The following CXCL13 variants were observed in gnomAD, a reference collection of about 807,000 sequenced individuals.
CXCL13 encodes the protein C-X-C motif chemokine ligand 13, also known as C-X-C motif chemokine 13.
A neutral mutation model predicts 12.2 loss-of-function variants in CXCL13; 7 were observed. The observed-to-expected ratio is 0.57, with a 90% confidence interval of 0.33 to 1.07. The LOEUF (loss-of-function observed/expected upper bound fraction) is 1.07, where lower values mean the gene tolerates loss of function less well. CXCL13 is among the 50% of genes least tolerant of loss of function. The pLI is 0.04. For synonymous variants in CXCL13, 47 were observed against 42.4 expected (o/e 1.11, Z -0.42); for missense variants, 113 against 127.4 (o/e 0.89, Z 0.55).
intron 2 of CXCL13, among the ~76,000 whole-genome samples, chr4:77,608,156 A>G (rs923281216): frequency 2.0e-5 from 3 of 152,154 alleles, no homozygotes; most frequent in Admixed American, 6.5e-5. Context: ...AAAGTGCATT[A>G]GTGGCCAGGC....
chr4:77,533,072 C>G (rs558012911), intron 1 of CXCL13, among the ~76,000 whole-genome samples: 153 of 152,302 alleles, frequency 1.0e-3, no homozygotes, highest in Non-Finnish European at 1.3e-3. Context: ...TGCTCCATTT[C>G]TGGTGAGGAG....
At chr4:77,583,597 G>T (rs1726387334) in intron 1 of CXCL13, among the ~76,000 whole-genome samples, 1 of 152,116 alleles carries the variant, frequency 6.6e-6, no homozygotes, top group African/African-American at 2.4e-5. Flanking sequence ...TGCACCTCAG[G>T]GTACTGAGTT....
intron 1 of CXCL13, among the ~76,000 whole-genome samples, chr4:77,592,325 G>A (rs1253442032): frequency 1.3e-5 from 2 of 152,098 alleles, no homozygotes; most frequent in African/African-American, 2.4e-5. Flanking sequence ...AAATAAGCCA[G>A]GCATAGAAAG....
rs541138817 is a variant in CXCL13, at chr4:77,551,556, AC to A, written c.-43+39770del. The stretch of plus-strand genomic sequence containing the variant: ...CCTTTAAGTCTTTTCTTTAGTATTG[AC>A]CTTGGACAGTCTGGTGACTACATGC... On this transcript the variant is annotated intron_variant, in intron 1 of 4. Transcript: ENST00000286758. Among the ~76,000 whole-genome samples, 656 of 152,180 alleles carry A rather than the reference AC, an allele frequency of 4.3e-3. 2 individuals are homozygous for A. Among genetic ancestry groups the A allele is most frequent in the Non-Finnish European group, 4.7e-3 (317 of 68,004 alleles).
chr4:77,564,888 A>T (rs997144559), intron 1 of CXCL13, among the ~76,000 whole-genome samples: 1 of 152,110 alleles, frequency 6.6e-6, no homozygotes, highest in African/African-American at 2.4e-5. Flanking sequence ...AAAGTTCCCC[A>T]TTTCTTCAGG....
chr4:77,550,879 C>T (rs941488152), intron 1 of CXCL13, among the ~76,000 whole-genome samples: 4 of 152,042 alleles, frequency 2.6e-5, no homozygotes, highest in Non-Finnish European at 4.4e-5. Context: ...CTTCTTTGTC[C>T]TTTTTTACTG....
chr4:77,584,836 GT>G (rs199579776), intron 1 of CXCL13, among the ~76,000 whole-genome samples: 1,905 of 152,264 alleles, frequency 0.013, 44 homozygotes, highest in African/African-American at 0.042. Flanking sequence ...TCTCCTCTAG[GT>G]TTTTTTCACT....
chr4:77,605,780 A>C (rs764947264), upstream of CXCL13: 1 of 722,752 alleles, frequency 1.4e-6, no homozygotes, highest in Non-Finnish European at 2.3e-6. Flanking sequence ...GAGGGCCCTT[A>C]CTGGTATAAA....
chr4:77,533,068 A>G (rs1724971138), intron 1 of CXCL13, among the ~76,000 whole-genome samples: 1 of 152,102 alleles, frequency 6.6e-6, no homozygotes, highest in Non-Finnish European at 1.5e-5. Flanking sequence ...GCTTTGCTCC[A>G]TTTCTGGTGA....
intron 1 of CXCL13, among the ~76,000 whole-genome samples, chr4:77,530,507 G>C (rs13102680): frequency 1.3e-5 from 2 of 152,022 alleles, no homozygotes; most frequent in East Asian, 1.9e-4. Context: ...GTCTTGTGAG[G>C]GTGTATGTGT....
intron 1 of CXCL13, among the ~76,000 whole-genome samples, chr4:77,529,194 G>T (rs1724844783): frequency 6.6e-6 from 1 of 152,180 alleles, no homozygotes. Context: ...TTGTAGCATA[G>T]TTTGAGGTCA....
chr4:77,543,489 T>A (rs1326875513), intron 1 of CXCL13, among the ~76,000 whole-genome samples: 3 of 152,244 alleles, frequency 2.0e-5, no homozygotes, highest in South Asian at 2.1e-4. Context: ...ACATAGGCAT[T>A]TAGCACTATT....
In CXCL13 at chr4:77,591,989, G is replaced by A. The variant is rs77630253; in HGVS notation, c.-42-13835G>A. Among the ~76,000 whole-genome samples, 1,174 of 152,320 alleles carry A rather than the reference G, an allele frequency of 7.7e-3. 8 individuals are homozygous for A. Among genetic ancestry groups the A allele is most frequent in the Middle Eastern group, 0.034 (10 of 294 alleles). ...CTGTCTACAGAGTTCTAGGTTGTCA[G>A]TGACAAAGAAGCAACACCAAAAACA... On this transcript the variant is annotated intron_variant, in intron 1 of 4. Coordinates refer to the CXCL13 transcript ENST00000286758.
Position 77,542,084 on chromosome 4 carries a change from A to G in CXCL13, c.-43+30296A>G, listed in dbSNP as rs1318567391. On this transcript the variant is annotated intron_variant, in intron 1 of 4. Transcript: ENST00000286758. The stretch of plus-strand genomic sequence containing the variant: ...TGTATCCTGAGATTTTACTGAGGTC[A>G]TTTATCAGCTCCAGGAGCCTTTTGA... Among the ~76,000 whole-genome samples the G allele has an allele frequency of 2.0e-5, 3 of 152,168 alleles. No individual in the cohort carries two copies. In the East Asian group the frequency reaches 5.8e-4, roughly 29 times the overall value.
intron 1 of CXCL13, among the ~76,000 whole-genome samples, chr4:77,548,308 G>A (rs932267604): frequency 6.6e-6 from 1 of 152,156 alleles, no homozygotes; most frequent in Admixed American, 6.6e-5. Flanking sequence ...CATTCAGCAA[G>A]GTCTTTACAA....
intron 1 of CXCL13, among the ~76,000 whole-genome samples, chr4:77,581,018 C>A (rs1441186009): frequency 1.3e-5 from 2 of 151,952 alleles, no homozygotes. Flanking sequence ...ACATTTTACA[C>A]AATTTCATTC....
chr4:77,599,729 T>G (rs919262338), intron 1 of CXCL13, among the ~76,000 whole-genome samples: 2 of 152,134 alleles, frequency 1.3e-5, no homozygotes, highest in African/African-American at 4.8e-5. Context: ...CAGGGGATAG[T>G]GGGAAGCCTT....
intron 1 of CXCL13, among the ~76,000 whole-genome samples, chr4:77,559,590 C>CGTGTGTGTGTGT (rs376338194): frequency 1.3e-5 from 2 of 148,630 alleles, no homozygotes; most frequent in Non-Finnish European, 1.5e-5. Flanking sequence ...CTAAATATGC[C>CGTGTGTGTGTGT]GTGTGTGTGT....
At chr4:77,562,093 G>A (rs1725828689) in intron 1 of CXCL13, among the ~76,000 whole-genome samples, 1 of 152,118 alleles carries the variant, frequency 6.6e-6, no homozygotes, top group African/African-American at 2.4e-5. Context: ...CGGGGCCTCA[G>A]CTGCCTCCCT....
Sources: allele counts gnomAD v4.1 joint callset (sites outside exome capture counted in the v4.1 genomes callset), GRCh38; gene constraint gnomAD v4.1.1; transcripts MANE v1.5; gene names NCBI Gene and HGNC (gene_info 2026-07-23, HGNC 2026-07-21).